FARS2: variants seen among roughly 807,000 people sequenced by gnomAD.
FARS2 encodes the protein phenylalanine--tRNA ligase, mitochondrial.
A neutral mutation model predicts 46.4 loss-of-function variants in FARS2; 40 were observed. The ratio of observed to expected loss-of-function variants is 0.86; its 90% CI spans 0.67 to 1.12. The LOEUF (loss-of-function observed/expected upper bound fraction) is 1.12, where lower values mean the gene tolerates loss of function less well. Among genes scored for constraint, FARS2 ranks in the 50% most tolerant of loss-of-function variants. The pLI is 0.00. For synonymous variants in FARS2, 234 were observed against 214.9 expected (o/e 1.09, Z -0.78); for missense variants, 513 against 567.9 (o/e 0.90, Z 0.98).
At chr6:5,769,811 A>T (rs1762940938) in intron 6 of FARS2, among the ~76,000 whole-genome samples, 1 of 152,160 alleles carries the variant, frequency 6.6e-6, no homozygotes, top group Non-Finnish European at 1.5e-5. Flanking sequence ...CTGTGGCTTG[A>T]TCCAAACGGG....
intron 4 of FARS2, among the ~76,000 whole-genome samples, chr6:5,506,493 A>G (rs1431901098): frequency 6.6e-6 from 1 of 152,144 alleles, no homozygotes; most frequent in Non-Finnish European, 1.5e-5. Context: ...TTAACCACCG[A>G]ATTGTCTTCT....
At chr6:5,632,123 C>T (rs6597153) in intron 6 of FARS2, among the ~76,000 whole-genome samples, 73,434 of 151,534 alleles carry the variant, frequency 0.48, 18,636 homozygotes, top group East Asian at 0.93. Flanking sequence ...ACCCTATGCC[C>T]CAATAAAAAT....
chr6:5,598,323 C>A (rs1284381076), intron 5 of FARS2, among the ~76,000 whole-genome samples: 5 of 152,166 alleles, frequency 3.3e-5, no homozygotes, highest in African/African-American at 7.2e-5. Context: ...GTCAAGGCTG[C>A]AGTGAGCTAT....
chr6:5,337,710 T>C (rs551888276), intron 1 of FARS2, among the ~76,000 whole-genome samples: 2 of 152,354 alleles, frequency 1.3e-5, no homozygotes, highest in South Asian at 4.1e-4. Flanking sequence ...GCATTCAGGA[T>C]ATACCATTGT....
intron 6 of FARS2, among the ~76,000 whole-genome samples, chr6:5,650,994 G>A (rs1298206975): frequency 1.3e-5 from 2 of 152,194 alleles, no homozygotes; most frequent in Non-Finnish European, 2.9e-5. Flanking sequence ...AGGGTTAATA[G>A]ACTTTTGATT....
intron 2 of FARS2, among the ~76,000 whole-genome samples, chr6:5,375,844 A>C (rs1441080897): frequency 6.6e-6 from 1 of 152,156 alleles, no homozygotes; most frequent in Admixed American, 6.5e-5. Context: ...TTTGTGAAAA[A>C]GAAATCTTTA....
At chr6:5,604,574 G>A (rs1425120149) in intron 5 of FARS2, among the ~76,000 whole-genome samples, 1 of 152,146 alleles carries the variant, frequency 6.6e-6, no homozygotes, top group Non-Finnish European at 1.5e-5. Flanking sequence ...GTGAGCTGCA[G>A]GCAGGGGTTT....
At chr6:5,738,549 G>T (rs1383565568) in intron 6 of FARS2, among the ~76,000 whole-genome samples, 1 of 152,074 alleles carries the variant, frequency 6.6e-6, no homozygotes, top group Admixed American at 6.5e-5. Context: ...CTGTTTACTG[G>T]GTACAAAGCT....
chr6:5,728,486 A>G (rs1342399209), intron 6 of FARS2, among the ~76,000 whole-genome samples: 1 of 152,140 alleles, frequency 6.6e-6, no homozygotes, highest in Non-Finnish European at 1.5e-5. Flanking sequence ...AATTCTACTC[A>G]TGGAAAAAGG....
intron 4 of FARS2, among the ~76,000 whole-genome samples, chr6:5,510,156 C>T (rs145674281): frequency 9.9e-5 from 15 of 152,236 alleles, no homozygotes; most frequent in African/African-American, 3.4e-4. Flanking sequence ...TTTTTGCTCC[C>T]TTTTCTATTT....
At chr6:5,341,217 ATATATATATATATATATATTT>A (rs1381823819) in intron 1 of FARS2, among the ~76,000 whole-genome samples, 105 of 5,986 alleles carry the variant, frequency 0.018, 6 homozygotes, top group South Asian at 0.043. Flanking sequence ...ATATATATAT[ATATATATATATATATATATTT>A]TTTTTTTTTT....
At chr6:5,539,094 A>G (rs1015894670) in intron 4 of FARS2, among the ~76,000 whole-genome samples, 20 of 152,120 alleles carry the variant, frequency 1.3e-4, no homozygotes, top group African/African-American at 4.8e-4. Context: ...ACTGACAGCC[A>G]CATGGGACTG....
At chr6:5,698,048 T>C (rs1758208226) in intron 6 of FARS2, among the ~76,000 whole-genome samples, 1 of 152,114 alleles carries the variant, frequency 6.6e-6, no homozygotes. Context: ...CGCTGTGATA[T>C]GGGAGGACAA....
At chr6:5,643,044 A>G (rs961616677) in intron 6 of FARS2, among the ~76,000 whole-genome samples, 1 of 152,272 alleles carries the variant, frequency 6.6e-6, no homozygotes, top group African/African-American at 2.4e-5. Flanking sequence ...TTATGGGTTC[A>G]GAGCATGAGT....
chr6:5,321,835 T>G (rs984685951), intron 1 of FARS2, among the ~76,000 whole-genome samples: 1 of 152,204 alleles, frequency 6.6e-6, no homozygotes, highest in Non-Finnish European at 1.5e-5. Flanking sequence ...CCCGGAATCT[T>G]TAGTAAAGAT....
intron 4 of FARS2, among the ~76,000 whole-genome samples, chr6:5,533,536 C>T (rs1340867566): frequency 3.9e-5 from 6 of 152,180 alleles, no homozygotes; most frequent in African/African-American, 1.4e-4. Context: ...TCCAGCCACT[C>T]GAGATGGATC....
chr6:5,496,746 C>T (rs747312438), intron 4 of FARS2, among the ~76,000 whole-genome samples: 59 of 152,280 alleles, frequency 3.9e-4, no homozygotes, highest in South Asian at 6.2e-4. Context: ...TAACTAATTA[C>T]CTCTTAATTA....
intron 2 of FARS2, among the ~76,000 whole-genome samples, chr6:5,394,872 T>G (rs1760801420): frequency 6.6e-6 from 1 of 152,142 alleles, no homozygotes; most frequent in Non-Finnish European, 1.5e-5. Flanking sequence ...CATTTTGCCA[T>G]TCGAAGTGGT....
At chr6:5,609,386 A>C in intron 5 of FARS2, 2 of 1,274,446 alleles carry the variant, frequency 1.6e-6, no homozygotes, top group Non-Finnish European at 2.3e-6. Flanking sequence ...TTGAAGACTG[A>C]TTGTTGTAAT....
Sources: gnomAD v4.1 joint callset for allele counts (sites outside exome capture counted in the v4.1 genomes callset) on GRCh38, gnomAD v4.1.1 for gene constraint, MANE v1.5 for transcripts, NCBI Gene and HGNC (gene_info 2026-07-23, HGNC 2026-07-21) for gene names.